Variants in JAKMIP3 observed in about 807,000 individuals in gnomAD.
The protein encoded by JAKMIP3 is Janus kinase and microtubule interacting protein 3.
In JAKMIP3, 58 loss-of-function variants were observed where a neutral mutation model predicts 118.5. The observed-to-expected ratio is 0.49, with a 90% CI of 0.40 to 0.61. The LOEUF (loss-of-function observed/expected upper bound fraction) is 0.61, where lower values mean the gene tolerates loss of function less well. Among genes scored for constraint, JAKMIP3 ranks in the 20% least tolerant of loss-of-function variants. The probability of loss-of-function intolerance (pLI) is 0.00; values close to 1 mark genes in which losing one functional copy is unlikely to be tolerated. For synonymous variants in JAKMIP3, 486 were observed against 451.2 expected (o/e 1.08, Z -0.98); for missense variants, 950 against 1,109.0 (o/e 0.86, Z 2.04).
rs371036837 is a variant in JAKMIP3 at position 132,158,996 on chromosome 10, TG to T, written c.2221-4204del. Among the ~76,000 whole-genome samples the T allele has an allele frequency of 2.4e-3, 49 of 20,672 alleles. 8 individuals are homozygous for T. The highest frequency in any genetic ancestry group is 5.9e-3 in the African/African-American group (29 of 4,934). The allele number at this position is 20,672 out of a possible 152,430, so 13.6% of individuals were successfully genotyped here. A position where few individuals can be genotyped will look rare whatever the true frequency, so the allele number is the denominator to read the frequency against. ...GGGGGGATCTCTCGCTGTGTGATGCTGGGGGGGGGCCTCTCCCTGTGTGATG... is the reference window on the plus strand; with the variant it reads ...GGGGGGATCTCTCGCTGTGTGATGCTGGGGGGGGCCTCTCCCTGTGTGATG... On this transcript the variant is annotated intron_variant, in intron 19 of 23. Coordinates refer to ENST00000684848, the MANE Select transcript of JAKMIP3 (RefSeq NM_001323087.2).
At chr10:132,064,111 C>T (rs565753475), upstream of JAKMIP3, among the ~76,000 whole-genome samples, 57 of 152,258 alleles carry the variant, frequency 3.7e-4, no homozygotes, top group African/African-American at 1.2e-3. The surrounding 1 kb of genome is among the most constrained non-coding windows in gnomAD (Gnocchi z 4.4). Flanking sequence ...GACGTATGTG[C>T]GTTTCCCATC....
rs377625328 is a variant in JAKMIP3, at chr10:132,053,226, C to G, written c.-138+16488C>G. Among the ~76,000 whole-genome samples, 94 of 152,340 alleles carry G rather than the reference C, an allele frequency of 6.2e-4. 1 individual carries two copies. Among genetic ancestry groups the G allele is most frequent in the African/African-American group, 2.2e-3 (93 of 41,578 alleles). Reference sequence around the variant, plus strand: ...GTCATCTGCTGATCAGTCTCTGTCACCACCCTCAAAGTTGGGGTTTCTCCT... The same window carrying G: ...GTCATCTGCTGATCAGTCTCTGTCAGCACCCTCAAAGTTGGGGTTTCTCCT... On this transcript the variant is annotated intron_variant, in intron 1 of 23. Transcript: ENST00000657785.
intron 2 of JAKMIP3, among the ~76,000 whole-genome samples, chr10:132,110,992 T>C (rs1297135070): frequency 6.6e-6 from 1 of 152,238 alleles, no homozygotes; most frequent in Non-Finnish European, 1.5e-5. Context: ...ATGCCTGTTC[T>C]GGGGTTTGGC....
intron 1 of JAKMIP3, among the ~76,000 whole-genome samples, chr10:132,078,272 G>A (rs952508719): frequency 1.1e-4 from 16 of 152,026 alleles, no homozygotes; most frequent in Admixed American, 9.2e-4. Flanking sequence ...AGATTATTTC[G>A]ACTGGTTTCT....
intron 1 of JAKMIP3, among the ~76,000 whole-genome samples, chr10:132,072,534 C>CAAATAAAT (rs1169316161): frequency 1.3e-5 from 2 of 152,038 alleles, no homozygotes; most frequent in African/African-American, 4.8e-5. Flanking sequence ...CAGCCTGTCT[C>CAAATAAAT]AAATAAATAA....
intron 23 of JAKMIP3, among the ~76,000 whole-genome samples, chr10:132,176,248 G>A (rs1417190703): frequency 6.6e-6 from 1 of 152,226 alleles, no homozygotes; most frequent in Non-Finnish European, 1.5e-5. Context: ...AGCAGCTCCC[G>A]TGCAGCCTCC....
At chr10:132,177,414 G>A (rs1176328414) in intron 23 of JAKMIP3, among the ~76,000 whole-genome samples, 2 of 152,048 alleles carry the variant, frequency 1.3e-5, no homozygotes, top group East Asian at 1.9e-4. Flanking sequence ...TGTGCATTTG[G>A]TCATGGTGTG....
At chr10:132,071,853 C>CTTTCTTTCCTTTCTTTCCTTT (rs1564866162) in intron 1 of JAKMIP3, among the ~76,000 whole-genome samples, 5 of 114,938 alleles carry the variant, frequency 4.4e-5, no homozygotes, top group Admixed American at 1.9e-4. Context: ...TTCTTTCTTT[C>CTTTCTTTCCTTTCTTTCCTTT]CTTTCTTTCC....
chr10:132,053,421 G>A (rs1400782643), intron 1 of JAKMIP3, among the ~76,000 whole-genome samples: 1 of 152,198 alleles, frequency 6.6e-6, no homozygotes, highest in Non-Finnish European at 1.5e-5. Context: ...CATGGTCTTT[G>A]TCTCTCATCT....
intron 3 of JAKMIP3, among the ~76,000 whole-genome samples, chr10:132,122,398 C>T (rs560275746): frequency 2.0e-5 from 3 of 152,390 alleles, no homozygotes; most frequent in African/African-American, 7.2e-5. Context: ...GGCCGAGGCT[C>T]CTGGGTGCCA....
In JAKMIP3 at chr10:132,180,642, T is replaced by C. The variant is rs1228160497; in HGVS notation, c.*1104-1715T>C. Among the ~76,000 whole-genome samples the C allele has an allele frequency of 5.9e-3, 187 of 31,776 alleles. 21 individuals carry two copies. The highest frequency in any genetic ancestry group is 0.012 in the Middle Eastern group (1 of 86). 20.8% of individuals were successfully genotyped at this position (31,776 alleles called of 152,430 possible). ...GTGTGTGTGCGTGTGTGCGTGCGTG[T>C]GTGCGTGTGCGTGTGCGTGTGTGCG... On this transcript the variant is annotated intron_variant, in intron 23 of 23. Transcript: ENST00000684848.
chr10:132,167,166 GGCGATGACCCA>G, intron 22 of JAKMIP3, 111 bp downstream of exon 22: 1 of 761,300 alleles, frequency 1.3e-6, no homozygotes, highest in South Asian at 1.7e-5. Flanking sequence ...TCAACTGGAA[GGCGATGACCCA>G]GCATCCCCAA....
intron 1 of JAKMIP3, among the ~76,000 whole-genome samples, chr10:132,041,470 C>G (rs555010558): frequency 1.3e-5 from 2 of 152,246 alleles, no homozygotes; most frequent in Admixed American, 6.5e-5. Flanking sequence ...CTGCCCCGGA[C>G]GGGCACAGCG....
At chr10:132,086,255 A>G (rs2042382052) in intron 1 of JAKMIP3, among the ~76,000 whole-genome samples, 1 of 152,142 alleles carries the variant, frequency 6.6e-6, no homozygotes, top group Non-Finnish European at 1.5e-5. Context: ...TCTTAAATTT[A>G]TTGAGGCTTG....
intron 1 of JAKMIP3, among the ~76,000 whole-genome samples, chr10:132,045,082 TTCAG>T (rs757383144): frequency 6.6e-6 from 1 of 152,100 alleles, no homozygotes; most frequent in Non-Finnish European, 1.5e-5. Flanking sequence ...AGATTCTGCT[TTCAG>T]TTCTTTCATC....
intron 4 of JAKMIP3, among the ~76,000 whole-genome samples, chr10:132,134,055 C>A (rs1343411887): frequency 3.9e-5 from 6 of 152,260 alleles, no homozygotes; most frequent in Non-Finnish European, 5.9e-5. Context: ...CCTCCCTGGG[C>A]CGCTCTGTCG....
intron 1 of JAKMIP3, among the ~76,000 whole-genome samples, chr10:132,080,178 A>G (rs1321099645): frequency 6.6e-6 from 1 of 152,186 alleles, no homozygotes; most frequent in Non-Finnish European, 1.5e-5. Context: ...ACCCCACTCA[A>G]AAAGATTTCT....
intron 20 of JAKMIP3, among the ~76,000 whole-genome samples, chr10:132,164,287 T>C (rs575754352): frequency 6.6e-6 from 1 of 152,228 alleles, no homozygotes; most frequent in East Asian, 1.9e-4. Context: ...GGCGCCAGCA[T>C]CCCCCTCACC....
intron 2 of JAKMIP3, among the ~76,000 whole-genome samples, chr10:132,109,138 A>C (rs1246045188): frequency 6.7e-6 from 1 of 150,092 alleles, no homozygotes; most frequent in Admixed American, 6.6e-5. Flanking sequence ...ACACACATAT[A>C]TATATATATA....
Sources: gnomAD v4.1 joint callset for allele counts (sites outside exome capture counted in the v4.1 genomes callset) on GRCh38, gnomAD v4.1.1 for gene constraint, Gnocchi (gnomAD v3.1) non-coding constraint, MANE v1.5 for transcripts, NCBI Gene and HGNC (gene_info 2026-07-23, HGNC 2026-07-21) for gene names.